The following SLC6A7 variants were observed in gnomAD, a reference collection of about 807,000 sequenced individuals.
The protein encoded by SLC6A7 is solute carrier family 6 member 7.
Under a neutral mutation model 73.1 loss-of-function variants are expected in SLC6A7, and 58 were observed. The ratio of observed to expected loss-of-function variants is 0.79; its 90% CI spans 0.64 to 0.99. SLC6A7 has a LOEUF of 0.99. Ranked by LOEUF, SLC6A7 falls within the 50% of genes least tolerant of loss-of-function variation. The pLI, the probability that SLC6A7 is intolerant of heterozygous loss-of-function variation, is 0.00. For synonymous variants in SLC6A7, 338 were observed against 338.7 expected (o/e 1.00, Z 0.02); for missense variants, 783 against 831.4 (o/e 0.94, Z 0.72).
chr5:150,196,878 G>A, intron 3 of SLC6A7, 31 bp downstream of exon 3: 2 of 1,605,962 alleles, frequency 1.2e-6, no homozygotes, highest in Non-Finnish European at 1.7e-6. Context: ...AGGGAGGGAA[G>A]GGCTCAGGGT....
rs7725994 is a variant in SLC6A7 at position 150,202,849 on chromosome 5, C to T, written c.1087+146C>T. 849 of 858,396 alleles carry T rather than the reference C, an allele frequency of 9.9e-4. 5 individuals are homozygous for T. In the African/African-American group the frequency reaches 0.013, roughly 13 times the overall value. 53.2% of individuals were successfully genotyped at this position (858,396 alleles called of 1,614,324 possible). A position where few individuals can be genotyped will look rare whatever the true frequency, so the allele number is the denominator to read the frequency against. On this transcript the variant is annotated intron_variant, in intron 8 of 13. Transcript: ENST00000230671. ...CAGCACTTTGGGAGGCCAAGGTGGG[C>T]GGATCGCTTGAGGTCAGGAGTTCGA... is the stretch of plus-strand genomic sequence containing the variant.
rs561904674 is a variant in SLC6A7 at position 150,209,605 on chromosome 5, C to T, written c.1901C>T (p.Ser634Leu). ...VDREIAEEEE[S>L]MM is the part of the protein sequence containing the mutation. ...CGTGAGATTGCAGAGGAGGAGGAGTCGATGATGTGAGGCAGGAGGCAGGCG... is the reference window on the plus strand; with the variant it reads ...CGTGAGATTGCAGAGGAGGAGGAGTTGATGATGTGAGGCAGGAGGCAGGCG... The change falls in exon 14 of 14, where the codon TCG becomes TTG. Residue 634 changes from serine to leucine, a missense_variant. Ser to Leu is a moderately radical substitution (Grantham distance 145). Transcript: ENST00000230671. The T allele has an allele frequency of 3.3e-5, 53 of 1,602,800 alleles. No homozygotes were observed. Among genetic ancestry groups the T allele is most frequent in the African/African-American group, 6.7e-5 (5 of 74,746 alleles).
Position 150,197,284 on chromosome 5 carries a change from AGCT to A in SLC6A7, c.584+13_584+15del. 1 of 1,581,472 alleles carries A rather than the reference AGCT, an allele frequency of 6.3e-7. No individual in the cohort carries two copies. Among genetic ancestry groups the A allele is most frequent in the Non-Finnish European group, 8.6e-7 (1 of 1,158,136 alleles). ...CAGCGAGGAGTACTGGAGGTCAGGCAGCTGCTGGCCCCGCGGCATCTGAGGGGA... is the reference window on the plus strand; with the variant it reads ...CAGCGAGGAGTACTGGAGGTCAGGCAGCTGGCCCCGCGGCATCTGAGGGGA... On this transcript the variant is annotated intron_variant, in intron 4 of 13. Transcript: ENST00000230671.
At position 150,202,370 on chromosome 5, in the gene SLC6A7, G is replaced by T; in HGVS notation, c.882G>T (p.Gln294His). Residue 294 changes from glutamine to histidine, a missense_variant, in exon 7 of 14, where the codon CAG becomes CAT. Gln to His is a conservative substitution (Grantham distance 24, BLOSUM62 0). Transcript: ENST00000230671. Reference protein sequence around the residue: ...SSKVWIEAALQIFYSLGVGFG... With the variant: ...SSKVWIEAALHIFYSLGVGFG... ...AGGTGTGGATTGAAGCTGCTCTTCA[G>T]ATCTTCTATTCCCTGGGTGTGGGCT... 6.2e-7 allele frequency: 1 copy of T among 1,614,082 alleles called. No individual in the cohort carries two copies. Among genetic ancestry groups the T allele is most frequent in the Non-Finnish European group, 8.5e-7 (1 of 1,179,912 alleles).
rs564774556 is a variant in SLC6A7 at position 150,202,802 on chromosome 5, C to T, written c.1087+99C>T. The T allele has an allele frequency of 2.0e-5, 28 of 1,373,168 alleles. No individual in the cohort carries two copies. In the East Asian group the frequency reaches 3.4e-4, roughly 17 times the overall value. 85.1% of individuals were successfully genotyped at this position (1,373,168 alleles called of 1,614,324 possible). A position where few individuals can be genotyped will look rare whatever the true frequency, so the allele number is the denominator to read the frequency against. On this transcript the variant is annotated intron_variant, in intron 8 of 13. Coordinates refer to ENST00000230671, the MANE Select transcript of SLC6A7 (RefSeq NM_014228.5). Reference sequence around the variant, plus strand: ...CAAGATTATGGATGGGGGCCAGGCGCGGTGGCTCATGCCTGTGATCCCAGC... The same window carrying T: ...CAAGATTATGGATGGGGGCCAGGCGTGGTGGCTCATGCCTGTGATCCCAGC...
Position 150,190,256 on chromosome 5 carries a change from C to A in SLC6A7, c.-72C>A. ...GCCGCGGGGGCAAAGGCGCAGTGGCCAGCGGACCATCTCTCGTGCCCTCGC... is the reference window on the plus strand; with the variant it reads ...GCCGCGGGGGCAAAGGCGCAGTGGCAAGCGGACCATCTCTCGTGCCCTCGC... On this transcript the variant is annotated 5_prime_UTR_variant, in exon 1 of 14. Coordinates refer to ENST00000230671, the MANE Select transcript of SLC6A7 (RefSeq NM_014228.5). The A allele has an allele frequency of 7.5e-7, 1 of 1,324,920 alleles. No homozygotes were observed. Among genetic ancestry groups the A allele is most frequent in the Non-Finnish European group, 1.0e-6 (1 of 971,544 alleles). 82.1% of individuals were successfully genotyped at this position (1,324,920 alleles called of 1,614,324 possible).
chr5:150,193,575 G>A (rs1274693890), intron 1 of SLC6A7, among the ~76,000 whole-genome samples: 1 of 152,090 alleles, frequency 6.6e-6, no homozygotes. Flanking sequence ...CCTAACCAAG[G>A]AGTCAGATCT....
intron 9 of SLC6A7, 41 bp downstream of exon 9, chr5:150,203,820 G>GGTGTGTGTGTGTGTGTGTGTGTGTGTGT (rs35380195): frequency 2.7e-6 from 2 of 750,498 alleles, no homozygotes; most frequent in African/African-American, 4.2e-5. Context: ...GTGTGTGTGT[G>GGTGTGTGTGTGTGTGTGTGTGTGTGTGT]GTGTGTGTGT....
Position 150,203,733 on chromosome 5 carries a change from C to T in SLC6A7, c.1154C>T (p.Ser385Phe). 6.2e-7 allele frequency: 1 copy of T among 1,610,998 alleles called. No homozygotes were observed. Among genetic ancestry groups the T allele is most frequent in the Non-Finnish European group, 8.5e-7 (1 of 1,177,548 alleles). ...MTMLPLSPFW[S>F]FLFFFMLLTL... Reference sequence around the variant, plus strand: ...ATGCTGCCTCTGTCACCCTTCTGGTCCTTTCTCTTCTTCTTCATGCTTCTG... The same window carrying T: ...ATGCTGCCTCTGTCACCCTTCTGGTTCTTTCTCTTCTTCTTCATGCTTCTG... Residue 385 changes from serine to phenylalanine, a missense_variant, in exon 9 of 14, where the codon TCC becomes TTC. Ser to Phe is a radical substitution (Grantham distance 155, BLOSUM62 -2). Coordinates refer to ENST00000230671, the MANE Select transcript of SLC6A7 (RefSeq NM_014228.5).
rs201697797 is a variant in SLC6A7, at chr5:150,197,214, C to T, written c.522C>T (p.Asp174=). The change falls in exon 4 of 14, where the codon GAC becomes GAT. Residue 174 remains aspartate (D), a synonymous_variant. Transcript: ENST00000230671. ...GCCTGGAGCACAGAGTCTCCAAGGA[C>T]GGCAACGGGGCCCTGCCCCTCAACC... ...ELCLEHRVSK[D]GNGALPLNLT... 2.0e-5 allele frequency: 33 copies of T among 1,613,806 alleles called. No individual in the cohort carries two copies. Among genetic ancestry groups the T allele is most frequent in the African/African-American group, 1.7e-4 (13 of 75,064 alleles).
intron 13 of SLC6A7, 23 bp from the exon 14 acceptor site, chr5:150,209,383 C>T: frequency 6.2e-7 from 1 of 1,605,786 alleles, no homozygotes; most frequent in Middle Eastern, 2.0e-4. Flanking sequence ...CCTGTTTTCA[C>T]TGCTCTCGTT....
chr5:150,191,229 C>A (rs553601152), intron 1 of SLC6A7, among the ~76,000 whole-genome samples: 12 of 152,298 alleles, frequency 7.9e-5, no homozygotes, highest in African/African-American at 2.9e-4. Context: ...CCAAAACAGG[C>A]CCCACTGGGT....
chr5:150,199,771 G>C (rs1202606392), intron 5 of SLC6A7, among the ~76,000 whole-genome samples: 1 of 152,138 alleles, frequency 6.6e-6, no homozygotes, highest in Non-Finnish European at 1.5e-5. Flanking sequence ...AGGCACAGCT[G>C]GGTCTAGGGG....
intron 4 of SLC6A7, among the ~76,000 whole-genome samples, chr5:150,197,689 T>C (rs1325298997): frequency 6.6e-6 from 1 of 152,196 alleles, no homozygotes. Context: ...TTGGTAACAG[T>C]ACCTGCTTCA....
rs183106446 is a variant in SLC6A7, at chr5:150,202,935, C to T, written c.1087+232C>T. Among the ~76,000 whole-genome samples, 37 of 152,178 alleles carry T rather than the reference C, an allele frequency of 2.4e-4. No homozygotes were observed. The East Asian group carries it at 6.4e-3, about 26-fold the overall frequency. On this transcript the variant is annotated intron_variant, in intron 8 of 13. Coordinates refer to ENST00000230671, the MANE Select transcript of SLC6A7 (RefSeq NM_014228.5). ...ACTAAAAATACAAAAAGTAGCCGGG[C>T]GTGGTGGCACATGCCTGTAATCCCA... is the stretch of plus-strand genomic sequence containing the variant.
intron 1 of SLC6A7, among the ~76,000 whole-genome samples, chr5:150,190,639 T>C (rs1580848004): frequency 6.6e-6 from 1 of 151,860 alleles, no homozygotes; most frequent in Non-Finnish European, 1.5e-5. Flanking sequence ...AGGCGCGGGG[T>C]AGGGGCGGCC....
intron 6 of SLC6A7, among the ~76,000 whole-genome samples, chr5:150,202,137 G>A (rs1487837396): frequency 6.6e-6 from 1 of 152,190 alleles, no homozygotes; most frequent in South Asian, 2.1e-4. Flanking sequence ...ACTGAAGCCC[G>A]CAGAGGGGAA....
chr5:150,203,809 CGTGTGTGTGTGGTGTGTGTGT>C, intron 9 of SLC6A7, 30 bp downstream of exon 9: 1 of 1,468,384 alleles, frequency 6.8e-7, no homozygotes, highest in Non-Finnish European at 9.4e-7. Context: ...GCAGGCACCC[CGTGTGTGTGTGGTGTGTGTGT>C]GTGTGTGTGT....
chr5:150,197,298 C>A (rs201816649), intron 4 of SLC6A7, 22 bp downstream of exon 4: 18 of 1,532,534 alleles, frequency 1.2e-5, no homozygotes, highest in South Asian at 4.8e-5. Context: ...GCTGGCCCCG[C>A]GGCATCTGAG....
Sources: gnomAD v4.1 joint callset for allele counts (sites outside exome capture counted in the v4.1 genomes callset) on GRCh38, gnomAD v4.1.1 for gene constraint, MANE v1.5 for transcripts, NCBI Gene and HGNC (gene_info 2026-07-23, HGNC 2026-07-21) for gene names.